ZFP28: variants seen among roughly 807,000 people sequenced by gnomAD.
The protein encoded by ZFP28 is ZFP28 zinc finger protein.
Under a neutral mutation model 39.5 loss-of-function variants are expected in ZFP28, and 31 were observed. That is an observed-to-expected ratio of 0.79 (90% CI 0.59 to 1.06). The LOEUF (loss-of-function observed/expected upper bound fraction) is 1.06. ZFP28 is among the 50% of genes least tolerant of loss of function. The pLI, the probability that ZFP28 is intolerant of heterozygous loss-of-function variation, is 0.00. For synonymous variants in ZFP28, 400 were observed against 378.6 expected, an observed-to-expected ratio of 1.06 and a Z score of -0.66; for missense variants, 925 against 1,048.4, an observed-to-expected ratio of 0.88 and a Z score of 1.63.
Position 56,547,985 on chromosome 19 carries a change from T to C in ZFP28, c.523+83T>C. On this transcript the variant is annotated intron_variant, in intron 4 of 7. Coordinates refer to ENST00000301318, the MANE Select transcript of ZFP28 (RefSeq NM_020828.2). The surrounding 1 kb of genome is among the most constrained non-coding windows in gnomAD (Gnocchi z 4.6). ...CAGACACGCAACATCTTCAGCAGAC[T>C]CTTCCTAAGCCTCTTGCTTAGGAAT... 7.5e-7 allele frequency: 1 copy of C among 1,329,878 alleles called. No individual in the cohort carries two copies. 82.4% of individuals were successfully genotyped at this position (1,329,878 alleles called of 1,614,324 possible). A position where few individuals can be genotyped will look rare whatever the true frequency, so the allele number is the denominator to read the frequency against.
At chr19:56,544,252 G>A (rs553953562) in intron 2 of ZFP28, among the ~76,000 whole-genome samples, 5 of 152,322 alleles carry the variant, frequency 3.3e-5, no homozygotes, top group East Asian at 3.9e-4. Flanking sequence ...TGGCCTATAG[G>A]CCAAATCCAG....
chr19:56,537,260 A>C (rs2044142263), upstream of ZFP28, among the ~76,000 whole-genome samples: 1 of 151,878 alleles, frequency 6.6e-6, no homozygotes, highest in Admixed American at 6.6e-5. Flanking sequence ...TGAGTTGGCC[A>C]CGATCCCTTT....
At chr19:56,552,351 C>T (rs2044311661) in intron 7 of ZFP28, 1 of 151,996 alleles carries the variant, frequency 6.6e-6, no homozygotes. Context: ...ACATCATCAC[C>T]AATATGGGTA....
intron 7 of ZFP28, among the ~76,000 whole-genome samples, chr19:56,553,419 C>A (rs1032273586): frequency 2.0e-5 from 3 of 152,052 alleles, no homozygotes; most frequent in African/African-American, 4.8e-5. Context: ...TAGGGTCTTG[C>A]TATGTTGTGC....
chr19:56,554,632 C>G lies in ZFP28; in HGVS notation c.1847C>G (p.Pro616Arg). ...TTAAGGATTCATACTGGGGAGAAGC[C>G]TTTTGAATGTGCGGAGTGTGGAAAA... ...SHLRIHTGEK[P>R]FECAECGKSF... The change falls in exon 8 of 8, where the codon CCT becomes CGT. Residue 616 changes from proline (P) to arginine (R), a missense_variant. Around this residue, in one of 2 missense-constraint regions of ZFP28, gnomAD observed 369 missense variants for 505.5 expected, o/e 0.73. Coordinates refer to ENST00000301318, the MANE Select transcript of ZFP28 (RefSeq NM_020828.2). The surrounding 1 kb of genome is among the most constrained non-coding windows in gnomAD (Gnocchi z 6.7). 2 of 1,613,344 alleles carry G rather than the reference C, an allele frequency of 1.2e-6. No homozygotes were observed. The highest frequency in any genetic ancestry group is 8.5e-7 in the Non-Finnish European group (1 of 1,179,396).
At chr19:56,543,313 G>A (rs1039243070) in intron 2 of ZFP28, among the ~76,000 whole-genome samples, 7 of 147,434 alleles carry the variant, frequency 4.7e-5, no homozygotes, top group African/African-American at 1.5e-4. Flanking sequence ...GTGTGTGTGC[G>A]TGTGTTTATA....
intron 7 of ZFP28, chr19:56,551,182 G>GT: frequency 1.0e-6 from 1 of 988,610 alleles, no homozygotes; most frequent in Non-Finnish European, 1.2e-6. Flanking sequence ...TGGTGTCTAT[G>GT]TTTTAGTAGG....
Position 56,554,567 on chromosome 19 carries a change from C to A in ZFP28, c.1782C>A (p.Cys594Ter). Residue 594 changes from cysteine (C) to a stop codon, truncating the protein, a stop_gained, in exon 8 of 8, where the codon TGC (cysteine) becomes TGA (stop). Transcript: ENST00000301318. LOFTEE classifies it low-confidence loss of function (END_TRUNC). This position sits in a 1 kb window ranked among gnomAD's most constrained non-coding sequence, Gnocchi z 6.7. ...AAAAGCCTTTTAAGTGTAAAGAGTG[C>A]GGAAAAGCTTTTAGGCAGAATATAC... ...SGEKPFKCKE[C>*]GKAFRQNIHL... The A allele has an allele frequency of 1.2e-6, 2 of 1,614,038 alleles. No individual in the cohort carries two copies. The highest frequency in any genetic ancestry group is 2.2e-5 in the South Asian group (2 of 91,080).
chr19:56,552,998 G>A (rs2044318822), intron 7 of ZFP28: 2 of 152,138 alleles, frequency 1.3e-5, no homozygotes, highest in Non-Finnish European at 2.9e-5. Flanking sequence ...TATTATGTGA[G>A]GTGATATGGT....
Position 56,554,570 on chromosome 19 carries a change from A to C in ZFP28, c.1785A>C (p.Gly595=), listed in dbSNP as rs753559677. The C allele has an allele frequency of 1.2e-6, 2 of 1,614,184 alleles. No homozygotes were observed. Among genetic ancestry groups the C allele is most frequent in the South Asian group, 2.2e-5 (2 of 91,088 alleles). Residue 595 remains glycine (G), a synonymous_variant, in exon 8 of 8, where the codon GGA becomes GGC. Coordinates refer to ENST00000301318, the MANE Select transcript of ZFP28 (RefSeq NM_020828.2). The surrounding 1 kb of genome is among the most constrained non-coding windows in gnomAD (Gnocchi z 6.7). ...GEKPFKCKEC[G]KAFRQNIHLA... is the part of the protein sequence containing the mutation. The stretch of plus-strand genomic sequence containing the variant: ...AGCCTTTTAAGTGTAAAGAGTGCGG[A>C]AAAGCTTTTAGGCAGAATATACACC...
At chr19:56,550,476 A>C in intron 6 of ZFP28, 34 bp from the exon 7 acceptor site, 216 of 1,508,384 alleles carry the variant, frequency 1.4e-4, no homozygotes, top group Non-Finnish European at 1.8e-4. Flanking sequence ...TGCCAAGACT[A>C]TTGGCCAAAC....
At position 56,556,361 on chromosome 19, in the gene ZFP28, G is replaced by A. The variant is rs1359278353; in HGVS notation, c.*969G>A. On this transcript the variant is annotated 3_prime_UTR_variant, in exon 8 of 8. Coordinates refer to ENST00000301318, the MANE Select transcript of ZFP28 (RefSeq NM_020828.2). ...AGCAGTTGTGACAGGAGACCATGTG[G>A]CCTGCAGAGCCCAAATATCTACTGT... 1.3e-5 allele frequency: 2 copies of A among 152,194 alleles called. No individual in the cohort carries two copies. Among genetic ancestry groups the A allele is most frequent in the Non-Finnish European group, 2.9e-5 (2 of 68,048 alleles). 9.4% of individuals were successfully genotyped at this position (152,194 alleles called of 1,614,324 possible).
Position 56,555,033 on chromosome 19 carries a change from A to G in ZFP28, c.2248A>G (p.Ser750Gly). 6.2e-7 allele frequency: 1 copy of G among 1,614,158 alleles called. No individual in the cohort carries two copies. Among genetic ancestry groups the G allele is most frequent in the Non-Finnish European group, 8.5e-7 (1 of 1,180,034 alleles). Residue 750 changes from serine (S) to glycine (G), a missense_variant, in exon 8 of 8, where the codon AGT (serine) becomes GGT (glycine). Coordinates refer to ENST00000301318, the MANE Select transcript of ZFP28 (RefSeq NM_020828.2). ...TKSSLICHRR[S>G]HTGEKPYECS... The stretch of plus-strand genomic sequence containing the variant: ...ATCCTCCCTTATTTGTCATCGCAGA[A>G]GTCATACTGGAGAAAAACCTTATGA...
At chr19:56,538,661 C>T (rs555915295), upstream of ZFP28, 1 of 152,038 alleles carries the variant, frequency 6.6e-6, no homozygotes, top group East Asian at 2.0e-4. Flanking sequence ...GCATCCGTCC[C>T]TGCTTGGGAC....
Position 56,549,063 on chromosome 19 carries a change from T to C in ZFP28, c.629T>C (p.Leu210Pro), listed in dbSNP as rs765738192. 1 of 1,614,018 alleles carries C rather than the reference T, an allele frequency of 6.2e-7. No individual in the cohort carries two copies. The highest frequency in any genetic ancestry group is 1.1e-5 in the South Asian group (1 of 91,030). Reference protein sequence around the residue: ...VITERLTSYNLEYSLLGEHWD... With the variant: ...VITERLTSYNPEYSLLGEHWD... ...ACAGAGAGACTCACAAGCTATAATC[T>C]GGAGTACTCTCTGTTAGGGGAACAC... The change falls in exon 5 of 8, where the codon CTG becomes CCG. Residue 210 changes from leucine to proline, a missense_variant. By Grantham distance (98) the Leu-to-Pro change is moderately conservative. Coordinates refer to ENST00000301318, the MANE Select transcript of ZFP28 (RefSeq NM_020828.2).
intron 4 of ZFP28, 100 bp downstream of exon 4, chr19:56,548,002 CT>C: frequency 1.9e-6 from 2 of 1,077,472 alleles, no homozygotes; most frequent in Non-Finnish European, 2.7e-6. Context: ...AAGCCTCTTG[CT>C]TAGGAATATC....
In ZFP28 at chr19:56,555,456, G is replaced by A. The variant is rs2044343049; in HGVS notation, c.*64G>A. The A allele has an allele frequency of 6.7e-7, 1 of 1,501,282 alleles. No homozygotes were observed. Among genetic ancestry groups the A allele is most frequent in the Non-Finnish European group, 8.8e-7 (1 of 1,132,852 alleles). The allele number at this position is 1,501,282 out of a possible 1,614,324, so 93.0% of individuals were successfully genotyped here. ...TAAAACCCCATCTCCCTGCCCTTTT[G>A]TTTTCTTTTTGTCCCTTATTAGTTA... On this transcript the variant is annotated 3_prime_UTR_variant, in exon 8 of 8. Transcript: ENST00000301318.
chr19:56,549,064 G>C lies in ZFP28; in HGVS notation c.630G>C (p.Leu210=), dbSNP rs1454099440. The C allele has an allele frequency of 6.2e-7, 1 of 1,613,944 alleles. No homozygotes were observed. Among genetic ancestry groups the C allele is most frequent in the Admixed American group, 1.7e-5 (1 of 59,994 alleles). Residue 210 remains leucine, a synonymous_variant, in exon 5 of 8, where the codon CTG becomes CTC. Coordinates refer to ENST00000301318, the MANE Select transcript of ZFP28 (RefSeq NM_020828.2). The part of the protein sequence containing the change: ...VITERLTSYN[L]EYSLLGEHWD... ...CAGAGAGACTCACAAGCTATAATCT[G>C]GAGTACTCTCTGTTAGGGGAACACT... is the stretch of plus-strand genomic sequence containing the variant.
intron 1 of ZFP28, 60 bp from the exon 2 acceptor site, chr19:56,539,565 A>T: frequency 7.0e-7 from 1 of 1,424,146 alleles, no homozygotes; most frequent in Non-Finnish European, 9.9e-7. Flanking sequence ...GGACGTTTCT[A>T]GGCTGGTGAT....
Sources: allele counts gnomAD v4.1 joint callset (sites outside exome capture counted in the v4.1 genomes callset), GRCh38; gene constraint gnomAD v4.1.1; regional missense constraint gnomAD v4.1.1; non-coding constraint Gnocchi (gnomAD v3.1); transcripts MANE v1.5; gene names NCBI Gene and HGNC (gene_info 2026-07-23, HGNC 2026-07-21).